The following SRGAP2C variants were observed in gnomAD, a reference collection of about 807,000 sequenced individuals.
SRGAP2C encodes the protein SLIT-ROBO Rho GTPase-activating protein 2C.
A neutral mutation model predicts 25.1 loss-of-function variants in SRGAP2C; 15 were observed. The ratio of observed to expected loss-of-function variants is 0.60; its 90% CI spans 0.40 to 0.92. The LOEUF is 0.92. SRGAP2C is among the 40% of genes least tolerant of loss of function. The pLI, the probability that SRGAP2C is intolerant of heterozygous loss-of-function variation, is 0.00. For missense variants in SRGAP2C, 144 were observed against 264.4 expected (o/e 0.54, Z 3.16); for synonymous variants, 44 against 96.6 (o/e 0.46, Z 3.19).
intron 8 of SRGAP2C, among the ~76,000 whole-genome samples, chr1:121,385,933 A>C (rs1570840382): frequency 6.6e-6 from 1 of 150,622 alleles, no homozygotes; most frequent in South Asian, 2.1e-4. Flanking sequence ...GGCTCTTTGG[A>C]AAATGCCAAG....
At chr1:121,347,820 C>T (rs1188266525) in intron 4 of SRGAP2C, among the ~76,000 whole-genome samples, 1 of 150,736 alleles carries the variant, frequency 6.6e-6, no homozygotes, top group Non-Finnish European at 1.5e-5. Context: ...TCCACACATG[C>T]CAGAGACACA....
At chr1:121,377,267 T>C (rs1331758741) in intron 7 of SRGAP2C, among the ~76,000 whole-genome samples, 1 of 34,046 alleles carries the variant, frequency 2.9e-5, no homozygotes, top group African/African-American at 1.0e-4. Flanking sequence ...ATGTTTCTTT[T>C]TTTTTTTTTT....
At chr1:121,321,781 T>C (rs1658208957) in intron 3 of SRGAP2C, among the ~76,000 whole-genome samples, 1 of 152,172 alleles carries the variant, frequency 6.6e-6, no homozygotes, top group African/African-American at 2.4e-5. Flanking sequence ...CCATCCTGTT[T>C]ATTGACCCAT....
chr1:121,372,374 G>C (rs587633763), intron 5 of SRGAP2C, among the ~76,000 whole-genome samples: 1,720 of 151,466 alleles, frequency 0.011, 9 homozygotes, highest in South Asian at 0.041. Context: ...CAGCATCCCT[G>C]ACCTCTAACT....
chr1:121,276,920 G>T (rs1425049518), intron 2 of SRGAP2C, among the ~76,000 whole-genome samples: 1 of 71,108 alleles, frequency 1.4e-5, no homozygotes, highest in Non-Finnish European at 2.8e-5. Flanking sequence ...ATCTTTAGTA[G>T]TGATGGGGTT....
chr1:121,264,592 C>T (rs1467901786), intron 2 of SRGAP2C, among the ~76,000 whole-genome samples: 1 of 146,188 alleles, frequency 6.8e-6, no homozygotes, highest in Non-Finnish European at 1.5e-5. Context: ...TTTTCTGTTG[C>T]CTCTGGGCCT....
At chr1:121,273,541 A>AGTCATCCCAGGGAAGCAGGAAG (rs1657029437) in intron 2 of SRGAP2C, among the ~76,000 whole-genome samples, 1 of 143,578 alleles carries the variant, frequency 7.0e-6, no homozygotes, top group South Asian at 2.3e-4. Flanking sequence ...CATTTGCAAG[A>AGTCATCCCAGGGAAGCAGGAAG]GTCATCCCAG....
intron 2 of SRGAP2C, among the ~76,000 whole-genome samples, chr1:121,257,605 G>GGT (rs1656505267): frequency 9.4e-6 from 1 of 106,528 alleles, no homozygotes; most frequent in East Asian, 2.7e-4. Context: ...CTTCCATGTG[G>GGT]GTGTTAGACT....
chr1:121,229,399 TTGTC>T (rs1166193399), intron 2 of SRGAP2C, among the ~76,000 whole-genome samples: 5 of 113,742 alleles, frequency 4.4e-5, no homozygotes, highest in Non-Finnish European at 7.1e-5. Flanking sequence ...ATTTTGTACA[TTGTC>T]AGTCTCTGTG....
chr1:121,191,751 C>T (rs587655692), intron 2 of SRGAP2C, among the ~76,000 whole-genome samples: 1 of 151,410 alleles, frequency 6.6e-6, no homozygotes, highest in African/African-American at 2.4e-5. Context: ...CCTTTACCCT[C>T]TCTATACCTT....
At chr1:121,370,635 G>A (rs1166573205) in intron 5 of SRGAP2C, among the ~76,000 whole-genome samples, 2 of 151,846 alleles carry the variant, frequency 1.3e-5, no homozygotes, top group South Asian at 2.1e-4. Flanking sequence ...TAGTAGAGAC[G>A]GGGTTTCATT....
At chr1:121,374,380 G>A (rs587744155) in intron 6 of SRGAP2C, among the ~76,000 whole-genome samples, 194 bp downstream of exon 6, 1 of 151,898 alleles carries the variant, frequency 6.6e-6, no homozygotes, top group African/African-American at 2.4e-5. Flanking sequence ...GGGCACGTGG[G>A]ATCCAAGATT....
rs201797409 is a variant in SRGAP2C, at chr1:121,387,834, A to G, written c.1359A>G (p.Val453=). Reference sequence around the variant, plus strand: ...AGACAGAGCAGTTTTATTTCACAGTAAGGGAGTGCTATGGCTTTTAAAGAG... The same window carrying G: ...AGACAGAGCAGTTTTATTTCACAGTGAGGGAGTGCTATGGCTTTTAAAGAG... ...QQETEQFYFT[V]RECYGF Residue 453 remains valine (V), a synonymous_variant, in exon 10 of 10, where the codon GTA becomes GTG. Transcript: ENST00000367123. The G allele has an allele frequency of 1.3e-6, 1 of 745,450 alleles. No individual in the cohort carries two copies. Among genetic ancestry groups the G allele is most frequent in the African/African-American group, 1.8e-5 (1 of 56,364 alleles). 46.2% of individuals were successfully genotyped at this position (745,450 alleles called of 1,614,324 possible).
intron 4 of SRGAP2C, among the ~76,000 whole-genome samples, chr1:121,335,196 G>T (rs1353510737): frequency 6.6e-6 from 1 of 151,104 alleles, no homozygotes; most frequent in South Asian, 2.1e-4. Context: ...AGGAGGCCGA[G>T]GCAGGAGAAT....
chr1:121,304,946 G>A, intron 3 of SRGAP2C, among the ~76,000 whole-genome samples: 1 of 152,244 alleles, frequency 6.6e-6, no homozygotes, highest in Middle Eastern at 3.4e-3. Flanking sequence ...AAAAAAGATG[G>A]CGCAGATTCA....
chr1:121,323,639 A>G (rs1553341386), intron 3 of SRGAP2C, among the ~76,000 whole-genome samples: 3 of 134,156 alleles, frequency 2.2e-5, no homozygotes, highest in Non-Finnish European at 4.8e-5. Flanking sequence ...AAAAAAAAAA[A>G]GGGAATGAGC....
At chr1:121,230,849 G>A (rs1180863769) in intron 2 of SRGAP2C, among the ~76,000 whole-genome samples, 1 of 152,036 alleles carries the variant, frequency 6.6e-6, no homozygotes, top group Non-Finnish European at 1.5e-5. Context: ...GGAATACTAT[G>A]CAGCCATAAA....
At chr1:121,372,044 T>G (rs1553351307) in intron 5 of SRGAP2C, among the ~76,000 whole-genome samples, 2 of 152,210 alleles carry the variant, frequency 1.3e-5, no homozygotes, top group Non-Finnish European at 2.9e-5. Flanking sequence ...AGTTGTTAAG[T>G]ATTTTTTCTT....
At chr1:121,378,245 TAACTA>T (rs1659719498) in intron 7 of SRGAP2C, among the ~76,000 whole-genome samples, 1 of 85,756 alleles carries the variant, frequency 1.2e-5, no homozygotes, top group Admixed American at 1.2e-4. Flanking sequence ...TTACATACAG[TAACTA>T]AACTTAAGTG....
Sources: gnomAD v4.1 joint callset for allele counts (sites outside exome capture counted in the v4.1 genomes callset) on GRCh38, gnomAD v4.1.1 for gene constraint, MANE v1.5 for transcripts, NCBI Gene and HGNC (gene_info 2026-07-23, HGNC 2026-07-21) for gene names.